CLVS2: variants seen among roughly 807,000 people sequenced by gnomAD.
CLVS2 encodes clavesin 2.
A neutral mutation model predicts 29.0 loss-of-function variants in CLVS2; 19 were observed. That is an observed-to-expected ratio of 0.66 (90% CI 0.46 to 0.96). The LOEUF is 0.96. Among genes scored for constraint, CLVS2 ranks in the 40% least tolerant of loss-of-function variants. The pLI, the probability that CLVS2 is intolerant of heterozygous loss-of-function variation, is 0.00. For synonymous variants in CLVS2, 161 were observed against 151.3 expected (o/e 1.06, Z -0.47); for missense variants, 294 against 404.1 (o/e 0.73, Z 2.34).
intron 3 of CLVS2, among the ~76,000 whole-genome samples, chr6:123,031,820 C>A (rs549396562): frequency 5.9e-4 from 89 of 151,334 alleles, no homozygotes; most frequent in African/African-American, 2.1e-3. Context: ...TTGCCTTAGC[C>A]TCATTATGAG....
At chr6:123,034,962 G>T (rs1427419445) in intron 3 of CLVS2, among the ~76,000 whole-genome samples, 1 of 152,096 alleles carries the variant, frequency 6.6e-6, no homozygotes, top group Non-Finnish European at 1.5e-5. Context: ...AAAATATACA[G>T]TCAGCATCCC....
chr6:123,007,659 A>G (rs1210905029), intron 2 of CLVS2, among the ~76,000 whole-genome samples: 1 of 152,180 alleles, frequency 6.6e-6, no homozygotes, highest in Non-Finnish European at 1.5e-5. Flanking sequence ...AGTATTCTAC[A>G]TAGTCTGGTG....
At chr6:123,030,298 C>T (rs1775065143) in intron 3 of CLVS2, among the ~76,000 whole-genome samples, 1 of 152,178 alleles carries the variant, frequency 6.6e-6, no homozygotes, top group Non-Finnish European at 1.5e-5. Flanking sequence ...AGATAAGAGA[C>T]TGGATTCTTG....
chr6:123,017,428 G>C (rs1048000509), intron 3 of CLVS2, among the ~76,000 whole-genome samples: 2 of 152,010 alleles, frequency 1.3e-5, no homozygotes, highest in East Asian at 3.9e-4. Context: ...AGATGGGAAC[G>C]TTTATTTCTA....
At chr6:123,052,439 G>C (rs1772625279) in intron 4 of CLVS2, among the ~76,000 whole-genome samples, 1 of 152,144 alleles carries the variant, frequency 6.6e-6, no homozygotes, top group Non-Finnish European at 1.5e-5. Flanking sequence ...GAAGTCAATG[G>C]GGAATTGTGA....
At chr6:123,040,744 G>T (rs1775217084) in intron 3 of CLVS2, among the ~76,000 whole-genome samples, 1 of 143,720 alleles carries the variant, frequency 7.0e-6, no homozygotes, top group Admixed American at 7.8e-5. Context: ...CTCCAGCCTG[G>T]GTAGCAAAGT....
At chr6:123,021,683 A>G (rs1335441177) in intron 3 of CLVS2, among the ~76,000 whole-genome samples, 3 of 152,072 alleles carry the variant, frequency 2.0e-5, no homozygotes, top group Admixed American at 6.6e-5. Flanking sequence ...TAATATCACA[A>G]TCAGGAAATT....
chr6:123,028,374 T>C (rs994393587), intron 3 of CLVS2, among the ~76,000 whole-genome samples: 3 of 152,166 alleles, frequency 2.0e-5, no homozygotes, highest in African/African-American at 4.8e-5. Flanking sequence ...TGTGTACACA[T>C]AACTTCCAGG....
intron 3 of CLVS2, among the ~76,000 whole-genome samples, chr6:123,041,809 T>C (rs1775237760): frequency 6.6e-6 from 1 of 152,196 alleles, no homozygotes; most frequent in African/African-American, 2.4e-5. Context: ...AAAGAGATAC[T>C]ATAAAGTATC....
intron 2 of CLVS2, among the ~76,000 whole-genome samples, chr6:123,001,616 T>C (rs1464345941): frequency 6.6e-6 from 1 of 152,248 alleles, no homozygotes; most frequent in Admixed American, 6.5e-5. Context: ...ACTGTTACAC[T>C]GCATCACAAA....
chr6:123,059,090 C>T (rs1401005446), intron 5 of CLVS2, among the ~76,000 whole-genome samples: 1 of 152,154 alleles, frequency 6.6e-6, no homozygotes, highest in East Asian at 1.9e-4. Context: ...CTTCCTCTTC[C>T]CCTGCTTTTC....
Position 123,026,097 on chromosome 6 carries a change from G to T in CLVS2, c.564+14938G>T, listed in dbSNP as rs143457365. Among the ~76,000 whole-genome samples, 287 of 152,156 alleles carry T rather than the reference G, an allele frequency of 1.9e-3. 1 individual carries two copies. Among genetic ancestry groups the T allele is most frequent in the African/African-American group, 6.6e-3 (273 of 41,540 alleles). ...TTTCTATGAAGGATGATCTTTCCAT[G>T]TTAAGAGTAATATTTGCAAAGTGTA... is the stretch of plus-strand genomic sequence containing the variant. On this transcript the variant is annotated intron_variant, in intron 3 of 5. Coordinates refer to ENST00000275162, the MANE Select transcript of CLVS2 (RefSeq NM_001010852.4).
intron 3 of CLVS2, among the ~76,000 whole-genome samples, chr6:123,035,759 A>G (rs1775144932): frequency 1.3e-5 from 2 of 152,032 alleles, no homozygotes; most frequent in Non-Finnish European, 2.9e-5. Flanking sequence ...AATCTTTTTC[A>G]CTTGTACTCA....
chr6:123,043,580 G>A (rs574400210), intron 3 of CLVS2, among the ~76,000 whole-genome samples: 12 of 152,056 alleles, frequency 7.9e-5, no homozygotes, highest in African/African-American at 9.7e-5. Context: ...AGTAAATTAC[G>A]CATACGATTT....
chr6:123,048,184 T>C (rs1772544448), intron 3 of CLVS2, among the ~76,000 whole-genome samples: 1 of 152,056 alleles, frequency 6.6e-6, no homozygotes, highest in South Asian at 2.1e-4. Flanking sequence ...TTTCTCACAC[T>C]GTAGATGACT....
At chr6:123,022,315 A>G (rs1400200306) in intron 3 of CLVS2, among the ~76,000 whole-genome samples, 1 of 151,978 alleles carries the variant, frequency 6.6e-6, no homozygotes, top group East Asian at 1.9e-4. Context: ...TTGAAAATTC[A>G]CCATAGTTTG....
Position 123,067,654 on chromosome 6 carries a change from A to G in CLVS2, c.*3893A>G, listed in dbSNP as rs1348471007. ...TGGTATATGTACATTTTTTACAACA[A>G]TAAGCTCATAGGCATATATTCCATT... On this transcript the variant is annotated 3_prime_UTR_variant, in exon 6 of 6. Coordinates refer to ENST00000275162, the MANE Select transcript of CLVS2 (RefSeq NM_001010852.4). 1 of 151,766 alleles carries G rather than the reference A, an allele frequency of 6.6e-6. No individual in the cohort carries two copies. The highest frequency in any genetic ancestry group is 1.5e-5 in the Non-Finnish European group (1 of 67,738). 9.4% of individuals were successfully genotyped at this position (151,766 alleles called of 1,614,324 possible). A position where few individuals can be genotyped will look rare whatever the true frequency, so the allele number is the denominator to read the frequency against.
At chr6:123,026,692 C>T (rs1438901231) in intron 3 of CLVS2, among the ~76,000 whole-genome samples, 1 of 151,998 alleles carries the variant, frequency 6.6e-6, no homozygotes, top group Non-Finnish European at 1.5e-5. Flanking sequence ...ATATAAAATC[C>T]CAAATATCAT....
chr6:123,056,153 A>G, intron 5 of CLVS2, 127 bp downstream of exon 5: 1 of 643,332 alleles, frequency 1.6e-6, no homozygotes. Flanking sequence ...TTTATGCCCT[A>G]TGATTGTATG....
Sources: allele counts gnomAD v4.1 joint callset (sites outside exome capture counted in the v4.1 genomes callset), GRCh38; gene constraint gnomAD v4.1.1; transcripts MANE v1.5; gene names NCBI Gene and HGNC (gene_info 2026-07-23, HGNC 2026-07-21).